Variants in ARHGEF3 observed in about 807,000 individuals in gnomAD.
The protein encoded by ARHGEF3 is 59.8 kDA protein.
Under a neutral mutation model 63.2 loss-of-function variants are expected in ARHGEF3, and 28 were observed. That is an observed-to-expected ratio of 0.44 (90% CI 0.33 to 0.61). The LOEUF (loss-of-function observed/expected upper bound fraction) is 0.61. Among genes scored for constraint, ARHGEF3 ranks in the 20% least tolerant of loss-of-function variants. The probability of loss-of-function intolerance (pLI) is 0.03; values close to 1 mark genes in which losing one functional copy is unlikely to be tolerated. For missense variants in ARHGEF3, 533 were observed against 659.3 expected (o/e 0.81, Z 2.10); for synonymous variants, 266 against 254.2 (o/e 1.05, Z -0.44).
At chr3:57,042,676 ATATATATATATATATATATATATATTT>A (rs1465190475) in intron 1 of ARHGEF3, among the ~76,000 whole-genome samples, 11 of 27,690 alleles carry the variant, frequency 4.0e-4, no homozygotes, top group African/African-American at 2.8e-3. Context: ...ATATATATAT[ATATATATATATATATATATATATATTT>A]TTTTTTTTTT....
intron 2 of ARHGEF3, among the ~76,000 whole-genome samples, chr3:57,000,509 T>C (rs1211458040): frequency 6.8e-6 from 1 of 146,562 alleles, no homozygotes; most frequent in Non-Finnish European, 1.5e-5. Flanking sequence ...TTATTATTAT[T>C]ATTATTATTA....
chr3:57,062,127 G>C (rs1705253934), intron 1 of ARHGEF3, among the ~76,000 whole-genome samples: 1 of 151,152 alleles, frequency 6.6e-6, no homozygotes, highest in Non-Finnish European at 1.5e-5. Context: ...ACTCCATCTA[G>C]ATGGGTGAGA....
intron 3 of ARHGEF3, chr3:56,916,598 C>G (rs1305320990): frequency 3.5e-6 from 3 of 867,342 alleles, no homozygotes; most frequent in Non-Finnish European, 4.7e-6. Context: ...AAAGGTACAC[C>G]AGAAGTTCAG....
At chr3:56,845,025 T>C (rs1416535728) in intron 4 of ARHGEF3, among the ~76,000 whole-genome samples, 1 of 152,230 alleles carries the variant, frequency 6.6e-6, no homozygotes, top group Non-Finnish European at 1.5e-5. Context: ...GAGGCCATGT[T>C]GAAAGGCCCA....
chr3:56,969,752 CA>C (rs138504813), intron 2 of ARHGEF3, among the ~76,000 whole-genome samples: 8 of 134,228 alleles, frequency 6.0e-5, no homozygotes, highest in African/African-American at 2.0e-4. Flanking sequence ...GACTCCGTAT[CA>C]AAAAAAAAAA....
chr3:56,976,594 T>C (rs1701135506), intron 2 of ARHGEF3, among the ~76,000 whole-genome samples: 1 of 152,198 alleles, frequency 6.6e-6, no homozygotes, highest in Non-Finnish European at 1.5e-5. Context: ...GCATTTATAA[T>C]AAATGTTCTG....
chr3:56,971,715 A>T (rs1466290784), intron 2 of ARHGEF3, among the ~76,000 whole-genome samples: 1 of 151,898 alleles, frequency 6.6e-6, no homozygotes, highest in Non-Finnish European at 1.5e-5. Flanking sequence ...ATTAGTGGGC[A>T]TGGTGGCGGG....
At chr3:57,040,474 C>CAAAGGAAAAGAAAAGAAAAG (rs374272554) in intron 1 of ARHGEF3, among the ~76,000 whole-genome samples, 1 of 144,524 alleles carries the variant, frequency 6.9e-6, no homozygotes, top group African/African-American at 2.7e-5. Context: ...AAGACTCCGT[C>CAAAGGAAAAGAAAAGAAAAG]AAAAGAAAAG....
chr3:57,045,447 T>A (rs970378541), intron 1 of ARHGEF3, among the ~76,000 whole-genome samples: 7 of 152,098 alleles, frequency 4.6e-5, no homozygotes, highest in African/African-American at 1.7e-4. Flanking sequence ...AGGACTGGGG[T>A]CCCCCATTCT....
chr3:56,956,825 G>T (rs887268173), intron 3 of ARHGEF3, among the ~76,000 whole-genome samples: 1 of 152,210 alleles, frequency 6.6e-6, no homozygotes, highest in Admixed American at 6.5e-5. Context: ...GCTCACAAGA[G>T]ATCTAATTTC....
intron 2 of ARHGEF3, among the ~76,000 whole-genome samples, chr3:56,763,858 A>G (rs1172882733): frequency 6.6e-6 from 1 of 152,086 alleles, no homozygotes; most frequent in Non-Finnish European, 1.5e-5. Context: ...TACAGGTGTG[A>G]GCCACTGCAC....
intron 2 of ARHGEF3, among the ~76,000 whole-genome samples, chr3:57,014,684 C>CT (rs34987425): frequency 0.26 from 37,448 of 146,592 alleles, 4,929 homozygotes; most frequent in Middle Eastern, 0.3. Context: ...AGCTTGTTAA[C>CT]TTTTTTTTTT....
At chr3:56,739,187 G>C (rs1452471675) in intron 7 of ARHGEF3, among the ~76,000 whole-genome samples, 1 of 152,134 alleles carries the variant, frequency 6.6e-6, no homozygotes, top group Non-Finnish European at 1.5e-5. Context: ...AAGACCAACA[G>C]TCCCATTGTT....
chr3:56,835,573 A>G (rs986513730), intron 4 of ARHGEF3, among the ~76,000 whole-genome samples: 1 of 152,234 alleles, frequency 6.6e-6, no homozygotes, highest in Non-Finnish European at 1.5e-5. Context: ...AATTAATGCT[A>G]AATAACAGCA....
intron 1 of ARHGEF3, among the ~76,000 whole-genome samples, chr3:57,051,917 C>T (rs972435401): frequency 1.3e-5 from 2 of 151,902 alleles, no homozygotes; most frequent in Non-Finnish European, 2.9e-5. Context: ...AAGCCAAGAT[C>T]GTGCCACTGC....
intron 2 of ARHGEF3, among the ~76,000 whole-genome samples, chr3:56,972,167 T>C (rs1700942530): frequency 6.6e-6 from 1 of 152,060 alleles, no homozygotes. Flanking sequence ...TAACCCAAGG[T>C]GGTCAGAAGC....
At chr3:57,004,611 T>C (rs928720012) in intron 2 of ARHGEF3, among the ~76,000 whole-genome samples, 16 of 152,204 alleles carry the variant, frequency 1.1e-4, no homozygotes, top group East Asian at 1.9e-4. Context: ...TTAAACAACA[T>C]GTCACAGAGT....
At chr3:56,923,565 A>G (rs1360500829) in intron 3 of ARHGEF3, among the ~76,000 whole-genome samples, 5 of 152,086 alleles carry the variant, frequency 3.3e-5, no homozygotes, top group Non-Finnish European at 5.9e-5. Context: ...AAAAAATGAG[A>G]GCATAGTTAA....
upstream of ARHGEF3, among the ~76,000 whole-genome samples, chr3:56,802,311 G>A (rs1488764911): frequency 6.6e-6 from 1 of 152,200 alleles, no homozygotes; most frequent in East Asian, 1.9e-4. Flanking sequence ...GACACCTGGA[G>A]GCAGGAAGGA....
Sources: allele counts gnomAD v4.1 joint callset (sites outside exome capture counted in the v4.1 genomes callset), GRCh38; gene constraint gnomAD v4.1.1; transcripts MANE v1.5; gene names NCBI Gene and HGNC (gene_info 2026-07-23, HGNC 2026-07-21).